The following MYO18B variants were observed in gnomAD, a reference collection of about 807,000 sequenced individuals.
MYO18B encodes myosin XVIIIB.
Under a neutral mutation model 273.0 loss-of-function variants are expected in MYO18B, and 204 were observed. The observed-to-expected ratio is 0.75, with a 90% CI of 0.67 to 0.84. MYO18B has a LOEUF of 0.84. MYO18B is among the 40% of genes least tolerant of loss of function. MYO18B has a pLI of 0.00. For synonymous variants in MYO18B, 1,330 were observed against 1,305.7 expected (o/e 1.02, Z -0.40); for missense variants, 3,212 against 3,287.6 (o/e 0.98, Z 0.56).
intron 1 of MYO18B, 28 bp from the exon 2 acceptor site, chr22:25,760,956 C>A: frequency 1.0e-6 from 1 of 969,848 alleles, no homozygotes; most frequent in Non-Finnish European, 1.6e-6. Context: ...TCTCTCTCTT[C>A]TCTCCCCACT....
chr22:25,898,261 G>T (rs1308999243), intron 28 of MYO18B, 46 bp from the exon 29 acceptor site: 9 of 1,579,296 alleles, frequency 5.7e-6, no homozygotes, highest in Admixed American at 1.9e-5. Flanking sequence ...TAAAAAGCTC[G>T]TTCCATGCCC....
intron 12 of MYO18B, among the ~76,000 whole-genome samples, chr22:25,798,928 C>G (rs2088053298): frequency 6.6e-6 from 1 of 152,014 alleles, no homozygotes; most frequent in East Asian, 1.9e-4. Flanking sequence ...TGAAACTGAT[C>G]TTGTATCCTT....
chr22:25,778,095 G>C (rs188619651), intron 8 of MYO18B, among the ~76,000 whole-genome samples: 2 of 152,298 alleles, frequency 1.3e-5, no homozygotes, highest in Admixed American at 1.3e-4. Context: ...CACAAATCTA[G>C]GAGAGTGTGA....
In MYO18B at chr22:26,008,016, G is replaced by T. The variant is rs565548095; in HGVS notation, c.6470+3161G>T. ...CTTGTAGCAAATATATAGCATATTT[G>T]TGAGATTTTTAAAAACATAAATTAT... is the stretch of plus-strand genomic sequence containing the variant. On this transcript the variant is annotated intron_variant, in intron 42 of 43. Coordinates refer to ENST00000335473, the MANE Select transcript of MYO18B (RefSeq NM_032608.7). Among the ~76,000 whole-genome samples, 55 of 152,164 alleles carry T rather than the reference G, an allele frequency of 3.6e-4. No individual in the cohort carries two copies. The South Asian group carries it at 0.011, about 30-fold the overall frequency.
chr22:25,985,774 T>A (rs1408164892), intron 39 of MYO18B, among the ~76,000 whole-genome samples: 1 of 151,944 alleles, frequency 6.6e-6, no homozygotes, highest in East Asian at 1.9e-4. Context: ...GGACTACAGG[T>A]GCATGCCACC....
At chr22:25,944,893 G>C (rs980965843) in intron 34 of MYO18B, among the ~76,000 whole-genome samples, 1 of 151,370 alleles carries the variant, frequency 6.6e-6, no homozygotes. Flanking sequence ...AGAGGCAGCT[G>C]CCAACTGCAG....
intron 33 of MYO18B, among the ~76,000 whole-genome samples, chr22:25,916,739 G>A (rs1420437205): frequency 6.6e-6 from 1 of 152,142 alleles, no homozygotes; most frequent in African/African-American, 2.4e-5. Flanking sequence ...GTTTAATAAA[G>A]GATTGTGTGT....
rs551711982 is a variant in MYO18B at position 25,841,022 on chromosome 22, A to G, written c.3209-2713A>G. ...AGTTAATGAGAACATTCAATCATCCAGAACACTTGGGGCATTCCGGCTAAC... is the reference window on the plus strand; with the variant it reads ...AGTTAATGAGAACATTCAATCATCCGGAACACTTGGGGCATTCCGGCTAAC... On this transcript the variant is annotated intron_variant, in intron 17 of 43. Transcript: ENST00000335473. Among the ~76,000 whole-genome samples, 58 of 152,368 alleles carry G rather than the reference A, an allele frequency of 3.8e-4. No individual in the cohort carries two copies. The South Asian group carries it at 4.8e-3, about 13-fold the overall frequency.
In MYO18B at chr22:25,972,722, G is replaced by A. The variant is rs151196834; in HGVS notation, c.6156+17358G>A. Among the ~76,000 whole-genome samples, 465 of 152,292 alleles carry A rather than the reference G, an allele frequency of 3.1e-3. 4 individuals carry two copies. Among genetic ancestry groups the A allele is most frequent in the African/African-American group, 9.7e-3 (402 of 41,558 alleles). On this transcript the variant is annotated intron_variant, in intron 39 of 43. Transcript: ENST00000335473. ...TGTAATCCCAGCACTCTGGGAAGCCGAGGCAGGTGGATCACCTGAGGGCAG... is the reference window on the plus strand; with the variant it reads ...TGTAATCCCAGCACTCTGGGAAGCCAAGGCAGGTGGATCACCTGAGGGCAG...
chr22:25,950,476 T>C (rs553619865), intron 37 of MYO18B, 26 bp downstream of exon 37: 21 of 1,575,168 alleles, frequency 1.3e-5, no homozygotes, highest in Admixed American at 3.6e-5. Context: ...CATCCTATAG[T>C]TGTATTAGTC....
At chr22:25,972,669 A>T (rs2093047881) in intron 39 of MYO18B, among the ~76,000 whole-genome samples, 1 of 152,144 alleles carries the variant, frequency 6.6e-6, no homozygotes, top group South Asian at 2.1e-4. Context: ...TAGAGACGAG[A>T]TCTCGGCTGG....
At chr22:25,802,030 A>G (rs181646128) in intron 12 of MYO18B, among the ~76,000 whole-genome samples, 1 of 152,338 alleles carries the variant, frequency 6.6e-6, no homozygotes, top group African/African-American at 2.4e-5. Context: ...AGCAGAGTTA[A>G]CACAGACCCT....
chr22:25,906,571 C>T (rs2092048915), intron 31 of MYO18B, among the ~76,000 whole-genome samples: 1 of 152,186 alleles, frequency 6.6e-6, no homozygotes, highest in African/African-American at 2.4e-5. Flanking sequence ...GGTGCTGGGA[C>T]AGTAGAGTAA....
chr22:26,033,503 G>A (rs1227006546), downstream of MYO18B, among the ~76,000 whole-genome samples: 1 of 152,174 alleles, frequency 6.6e-6, no homozygotes, highest in Non-Finnish European at 1.5e-5. Flanking sequence ...ATTCTTCAAT[G>A]ATGTGTAAGG....
At chr22:25,918,137 C>T (rs565011604) in intron 33 of MYO18B, among the ~76,000 whole-genome samples, 47 of 152,256 alleles carry the variant, frequency 3.1e-4, no homozygotes, top group Non-Finnish European at 6.0e-4. Context: ...TGTGCACCAT[C>T]TTTTTTTCAT....
chr22:25,755,511 C>A (rs2086087306), intron 1 of MYO18B, among the ~76,000 whole-genome samples: 1 of 152,150 alleles, frequency 6.6e-6, no homozygotes, highest in South Asian at 2.1e-4. Context: ...CAGCCACTTT[C>A]CTGTGCCTTT....
chr22:25,754,617 T>C (rs9620553), intron 1 of MYO18B, among the ~76,000 whole-genome samples: 18,314 of 152,194 alleles, frequency 0.12, 1,397 homozygotes, highest in East Asian at 0.28. Context: ...GAATTCCAAA[T>C]GTCTATGGCC....
chr22:26,016,074 T>G (rs902735399), intron 42 of MYO18B, among the ~76,000 whole-genome samples: 3 of 152,214 alleles, frequency 2.0e-5, no homozygotes, highest in Non-Finnish European at 4.4e-5. Context: ...AGTCTGAGAT[T>G]TTCTGTCACT....
chr22:25,950,179 C>A (rs538061700), intron 36 of MYO18B, among the ~76,000 whole-genome samples, 188 bp from the exon 37 acceptor site: 1 of 151,958 alleles, frequency 6.6e-6, no homozygotes, highest in Non-Finnish European at 1.5e-5. Context: ...AGTGACTCAG[C>A]GAACATTGAA....
Sources: allele counts gnomAD v4.1 joint callset (sites outside exome capture counted in the v4.1 genomes callset), GRCh38; gene constraint gnomAD v4.1.1; transcripts MANE v1.5; gene names NCBI Gene and HGNC (gene_info 2026-07-23, HGNC 2026-07-21).